Variants in CA12 observed in about 807,000 individuals in gnomAD.
CA12 encodes the protein carbonic anhydrase 12.
A neutral mutation model predicts 46.8 loss-of-function variants in CA12; 36 were observed. The ratio of observed to expected loss-of-function variants is 0.77; its 90% CI spans 0.59 to 1.02. CA12 has a LOEUF of 1.02. Among genes scored for constraint, CA12 ranks in the 50% least tolerant of loss-of-function variants. CA12 has a pLI of 0.00. For missense variants in CA12, 436 were observed against 451.4 expected (o/e 0.97, Z 0.31); for synonymous variants, 202 against 187.0 (o/e 1.08, Z -0.65).
rs1163730354 is a variant in CA12, at chr15:63,348,262, CAG to C, written c.107-1555_107-1554del. Among the ~76,000 whole-genome samples, 1 of 152,180 alleles carries C rather than the reference CAG, an allele frequency of 6.6e-6. No homozygotes were observed. The highest frequency in any genetic ancestry group is 2.4e-5 in the African/African-American group (1 of 41,420). ...CACCAGTCTTCTCACTTGGGCATGG[CAG>C]AGTCTCCGCTGAGCTCTACTATTCT... On this transcript the variant is annotated intron_variant, in intron 2 of 10. Coordinates refer to ENST00000178638, the MANE Select transcript of CA12 (RefSeq NM_001218.5). This position sits in a 1 kb window ranked among gnomAD's most constrained non-coding sequence, Gnocchi z 4.6.
intron 4 of CA12, among the ~76,000 whole-genome samples, chr15:63,342,784 C>T (rs1402741962): frequency 6.6e-6 from 1 of 152,264 alleles, no homozygotes; most frequent in South Asian, 2.1e-4. Flanking sequence ...ACAACCCATG[C>T]ATTTTTGCTG....
chr15:63,332,177 G>C (rs2038945677), intron 8 of CA12, among the ~76,000 whole-genome samples: 1 of 152,180 alleles, frequency 6.6e-6, no homozygotes, highest in African/African-American at 2.4e-5. Flanking sequence ...AAATCAGAGA[G>C]TCAAGAAACT....
chr15:63,359,644 G>A (rs547423568), intron 2 of CA12, among the ~76,000 whole-genome samples: 6 of 152,214 alleles, frequency 3.9e-5, no homozygotes, highest in South Asian at 2.1e-4. Flanking sequence ...TACAAGGTCC[G>A]TTCTACATGC....
intron 4 of CA12, 127 bp from the exon 5 acceptor site, chr15:63,342,224 G>T: frequency 2.8e-6 from 2 of 707,868 alleles, no homozygotes; most frequent in Admixed American, 2.0e-5. Flanking sequence ...GACTAGGTTA[G>T]GTCTCTCAGA....
At chr15:63,375,803 TTC>T (rs564407045) in intron 1 of CA12, 125 bp from the exon 2 acceptor site, 93 of 715,310 alleles carry the variant, frequency 1.3e-4, no homozygotes, top group South Asian at 1.0e-3. Context: ...TTGAAACTTT[TTC>T]TTTTTCTTTT....
rs542641641 is a variant in CA12, at chr15:63,340,544, C to G, written c.590-99G>C. 94 of 1,522,370 alleles carry G rather than the reference C, an allele frequency of 6.2e-5. No individual in the cohort carries two copies. The highest frequency in any genetic ancestry group is 1.2e-4 in the Admixed American group (7 of 59,678). 94.3% of individuals were successfully genotyped at this position (1,522,370 alleles called of 1,614,324 possible). On this transcript the variant is annotated intron_variant, in intron 6 of 10. Coordinates refer to ENST00000178638, the MANE Select transcript of CA12 (RefSeq NM_001218.5). The surrounding 1 kb of genome is among the most constrained non-coding windows in gnomAD (Gnocchi z 4.4). ...CTGAGCCTAGAAACATGAACTAGCC[C>G]CTTTCAGGGTCATCTAACCCCAGGA...
chr15:63,326,694 G>C (rs1013367145), intron 10 of CA12, among the ~76,000 whole-genome samples: 8 of 151,990 alleles, frequency 5.3e-5, no homozygotes, highest in African/African-American at 1.9e-4. Flanking sequence ...AATAAATTAG[G>C]TTTTAGGAAA....
rs1000832038 is a variant in CA12, at chr15:63,329,258, G to C, written c.875-1128C>G. Among the ~76,000 whole-genome samples, 1 of 152,206 alleles carries C rather than the reference G, an allele frequency of 6.6e-6. No homozygotes were observed. Among genetic ancestry groups the C allele is most frequent in the Admixed American group, 6.5e-5 (1 of 15,284 alleles). ...TGCTCCATGGAACCAGGGTATTACG[G>C]CTTCAACCAGCAAGTTACTGTTGAG... On this transcript the variant is annotated intron_variant, in intron 8 of 10. Transcript: ENST00000178638. The surrounding 1 kb of genome is among the most constrained non-coding windows in gnomAD (Gnocchi z 4.8).
In CA12 at chr15:63,323,822, A is replaced by G. The variant is rs567841112; in HGVS notation, c.*2463T>C. On this transcript the variant is annotated 3_prime_UTR_variant, in exon 11 of 11. Coordinates refer to ENST00000178638, the MANE Select transcript of CA12 (RefSeq NM_001218.5). This position sits in a 1 kb window ranked among gnomAD's most constrained non-coding sequence, Gnocchi z 5.1. ...CAGAGTTTTTTGTTGTTTTTTAACT[A>G]TTTTACCAGATGATACTAACTAAAC... The G allele has an allele frequency of 3.9e-5, 6 of 152,356 alleles. No homozygotes were observed. The highest frequency in any genetic ancestry group is 1.2e-4 in the African/African-American group (5 of 41,576). The allele number at this position is 152,356 out of a possible 1,614,324, so 9.4% of individuals were successfully genotyped here.
intron 2 of CA12, among the ~76,000 whole-genome samples, chr15:63,359,485 T>C (rs1353935761): frequency 6.6e-6 from 1 of 152,112 alleles, no homozygotes; most frequent in African/African-American, 2.4e-5. Flanking sequence ...ACTGTGTATA[T>C]GTACCTTAAC....
Position 63,323,437 on chromosome 15 carries a change from TG to T in CA12, c.*2847del, listed in dbSNP as rs2038820556. 6.6e-6 allele frequency: 1 copy of T among 152,350 alleles called. No individual in the cohort carries two copies. Among genetic ancestry groups the T allele is most frequent in the South Asian group, 2.1e-4 (1 of 4,830 alleles). 9.4% of individuals were successfully genotyped at this position (152,350 alleles called of 1,614,324 possible). A position where few individuals can be genotyped will look rare whatever the true frequency, so the allele number is the denominator to read the frequency against. Reference sequence around the variant, plus strand: ...GTGGATGCGAGTGACATTATTATTCTGATTAGTTACCTATCCCCATAACAGG... The same window carrying T: ...GTGGATGCGAGTGACATTATTATTCTATTAGTTACCTATCCCCATAACAGG... On this transcript the variant is annotated 3_prime_UTR_variant, in exon 11 of 11. Transcript: ENST00000178638. The surrounding 1 kb of genome is among the most constrained non-coding windows in gnomAD (Gnocchi z 5.1).
chr15:63,360,562 G>A (rs1382323649), intron 2 of CA12, among the ~76,000 whole-genome samples: 1 of 152,212 alleles, frequency 6.6e-6, no homozygotes, highest in Non-Finnish European at 1.5e-5. Context: ...TTAGGCTACT[G>A]AGTCTCTAAT....
intron 2 of CA12, among the ~76,000 whole-genome samples, chr15:63,363,120 G>A (rs961957157): frequency 2.0e-5 from 3 of 152,230 alleles, no homozygotes; most frequent in Non-Finnish European, 4.4e-5. Context: ...GCCCTCCTGA[G>A]TTGATTTGTC....
Position 63,372,727 on chromosome 15 carries a change from C to A in CA12, c.106+2931G>T, listed in dbSNP as rs924913690. On this transcript the variant is annotated intron_variant, in intron 2 of 10. Transcript: ENST00000178638. The surrounding 1 kb of genome is among the most constrained non-coding windows in gnomAD (Gnocchi z 4.5). ...ACAGGTGCCAGCTGCCAGCCAGGAC[C>A]TAAGGAGGAGCTAGCCAAGACCTCA... Among the ~76,000 whole-genome samples the A allele has an allele frequency of 6.6e-6, 1 of 152,194 alleles. No homozygotes were observed. Among genetic ancestry groups the A allele is most frequent in the Admixed American group, 6.5e-5 (1 of 15,278 alleles).
chr15:63,338,986 T>G (rs570544342), intron 7 of CA12, 41 bp from the exon 8 acceptor site: 14 of 1,612,976 alleles, frequency 8.7e-6, no homozygotes, highest in East Asian at 4.5e-5. Context: ...CAGAATGACC[T>G]CCTCACCTGA....
Position 63,381,678 on chromosome 15 carries a change from C to T in CA12, c.43G>A (p.Val15Met). 5 of 1,610,860 alleles carry T rather than the reference C, an allele frequency of 3.1e-6. No homozygotes were observed. The South Asian group carries it at 4.4e-5, about 14-fold the overall frequency. The change falls in exon 1 of 11, where the codon GTG becomes ATG. Residue 15 changes from valine (V) to methionine (M), a missense_variant. Val to Met is a conservative substitution (Grantham distance 21). Coordinates refer to ENST00000178638, the MANE Select transcript of CA12 (RefSeq NM_001218.5). ...SLHAAAVLLL[V>M]ILKEQPSSPA... is the part of the protein sequence containing the mutation. Reference sequence around the variant, plus strand: ...CTGGAAGGCTGTTCCTTTAAGATCACCAGCAGGAGCACGGCCGCCGCGTGC... The same window carrying T: ...CTGGAAGGCTGTTCCTTTAAGATCATCAGCAGGAGCACGGCCGCCGCGTGC...
intron 2 of CA12, among the ~76,000 whole-genome samples, chr15:63,364,696 T>A (rs2039416907): frequency 6.6e-6 from 1 of 152,212 alleles, no homozygotes; most frequent in Non-Finnish European, 1.5e-5. Flanking sequence ...TGGCCCATCG[T>A]CCAGGCACAT....
chr15:63,376,910 T>G (rs997284635), intron 1 of CA12, among the ~76,000 whole-genome samples: 7 of 152,106 alleles, frequency 4.6e-5, no homozygotes, highest in Non-Finnish European at 7.4e-5. Context: ...CCCAAAGGGC[T>G]GGGATTACAG....
At chr15:63,381,612 G>C in intron 1 of CA12, 24 bp downstream of exon 1, 2 of 1,600,268 alleles carry the variant, frequency 1.2e-6, no homozygotes, top group Non-Finnish European at 1.7e-6. Context: ...GGAGTGTTAG[G>C]AAAGAAGCAG....
Sources: gnomAD v4.1 joint callset for allele counts (sites outside exome capture counted in the v4.1 genomes callset) on GRCh38, gnomAD v4.1.1 for gene constraint, Gnocchi (gnomAD v3.1) non-coding constraint, MANE v1.5 for transcripts, NCBI Gene and HGNC (gene_info 2026-07-23, HGNC 2026-07-21) for gene names.